DMD: variants seen among roughly 807,000 people sequenced by gnomAD.
DMD encodes dystrophin.
Under a neutral mutation model 330.1 loss-of-function variants are expected in DMD, and 63 were observed. The observed-to-expected ratio is 0.19, with a 90% confidence interval of 0.16 to 0.24. The LOEUF (loss-of-function observed/expected upper bound fraction) is 0.24. DMD is among the 10% of genes least tolerant of loss of function. DMD has a pLI of 1.00. For missense variants in DMD, 3,344 were observed against 2,684.1 expected (o/e 1.25, Z -5.43); for synonymous variants, 1,223 against 959.8 (o/e 1.27, Z -5.07).
intron 37 of DMD, among the ~76,000 whole-genome samples, chrX:32,357,206 T>C (rs1458424265): frequency 8.9e-6 from 1 of 112,267 alleles, no homozygotes; most frequent in Admixed American, 9.4e-5. Flanking sequence ...GGAATTTATA[T>C]GCAGACTTTC....
chrX:32,027,965 AT>A (rs2095858595), intron 44 of DMD, among the ~76,000 whole-genome samples: 1 of 112,181 alleles, frequency 8.9e-6, no homozygotes, highest in Admixed American at 9.5e-5. Context: ...ATAAGGTCAT[AT>A]TTGCATTAAT....
At chrX:32,481,031 G>C (rs1023055860) in intron 21 of DMD, among the ~76,000 whole-genome samples, 1 of 110,369 alleles carries the variant, frequency 9.1e-6, no homozygotes, top group Admixed American at 9.7e-5. Context: ...ACTGCAGCTA[G>C]AAGAGTTACC....
chrX:31,685,995 T>C (rs959263651), intron 52 of DMD, among the ~76,000 whole-genome samples: 1 of 111,698 alleles, frequency 9.0e-6, no homozygotes, highest in African/African-American at 3.3e-5. Context: ...TATCTCATTG[T>C]CCCACTCTCC....
chrX:33,055,908 A>G (rs2765394), intron 1 of DMD, among the ~76,000 whole-genome samples: 54,689 of 109,212 alleles, frequency 0.5, 10,570 homozygotes, highest in Non-Finnish European at 0.61. Context: ...GAATAAATAA[A>G]GTAATGAATG....
intron 9 of DMD, among the ~76,000 whole-genome samples, chrX:32,649,130 T>C (rs779656598): frequency 1.6e-3 from 173 of 110,012 alleles, no homozygotes; most frequent in Non-Finnish European, 2.4e-3. Flanking sequence ...TTTTTTTTTT[T>C]CCCCCAAAAT....
intron 9 of DMD, among the ~76,000 whole-genome samples, chrX:32,653,427 T>A (rs1410230598): frequency 8.9e-6 from 1 of 111,978 alleles, no homozygotes; most frequent in Non-Finnish European, 1.9e-5. Flanking sequence ...CCTTTCCCCA[T>A]TGCTTGTTTT....
chrX:31,169,637 C>G, intron 73 of DMD, 36 bp from the exon 74 acceptor site: 1 of 1,159,487 alleles, frequency 8.6e-7, no homozygotes, highest in Non-Finnish European at 1.2e-6. Context: ...GTTTTTTCCC[C>G]CCCTTATTTT....
At chrX:31,257,981 T>G (rs562635963) in intron 63 of DMD, among the ~76,000 whole-genome samples, 1 of 111,876 alleles carries the variant, frequency 8.9e-6, no homozygotes, top group South Asian at 3.8e-4. Context: ...TGTAGCCATA[T>G]AACAATCATT....
intron 7 of DMD, among the ~76,000 whole-genome samples, chrX:32,743,121 A>T (rs991676571): frequency 4.5e-5 from 5 of 111,388 alleles, no homozygotes; most frequent in Non-Finnish European, 9.4e-5. Flanking sequence ...TGCATGCAAT[A>T]GATCAAAAAT....
intron 43 of DMD, among the ~76,000 whole-genome samples, chrX:32,239,153 C>A (rs763435065): frequency 4.7e-4 from 52 of 111,199 alleles, no homozygotes; most frequent in African/African-American, 1.5e-3. Flanking sequence ...TTTGTGACAA[C>A]GAAAAAGGTC....
chrX:32,787,213 A>AGTGTGTGTGTGTGTGTGTGTGT (rs72078806), intron 7 of DMD, among the ~76,000 whole-genome samples: 1 of 83,379 alleles, frequency 1.2e-5, no homozygotes, highest in African/African-American at 4.6e-5. Context: ...CTCTCTGTCA[A>AGTGTGTGTGTGTGTGTGTGTGT]GTGTGTGTGT....
intron 30 of DMD, 33 bp from the exon 31 acceptor site, chrX:32,390,214 C>T: frequency 3.8e-6 from 4 of 1,044,913 alleles, no homozygotes; most frequent in African/African-American, 1.8e-5. Flanking sequence ...AGTCAGCATG[C>T]TCTACAAAGA....
At chrX:32,408,121 TA>T (rs1195458138) in intron 30 of DMD, among the ~76,000 whole-genome samples, 2 of 109,469 alleles carry the variant, frequency 1.8e-5, no homozygotes, top group South Asian at 3.9e-4. Flanking sequence ...CTTAAAGTAT[TA>T]AAAAAAAAGA....
rs1387391762 is a variant in DMD at position 31,425,639 on chromosome X, G to A, written c.9084+18842C>T. 2.8e-5 allele frequency among the ~76,000 whole-genome samples: 3 copies of A among 106,347 alleles called. No homozygotes were observed. The South Asian group carries it at 1.2e-3, about 41-fold the overall frequency. The allele number at this position is 106,347 out of a possible 115,157, so 92.3% of individuals were successfully genotyped here. ...CTAGTTGACACATAAGAAGAAATTTGTTGGGGAGCTTCTGGGAAACGTTTG... is the reference window on the plus strand; with the variant it reads ...CTAGTTGACACATAAGAAGAAATTTATTGGGGAGCTTCTGGGAAACGTTTG... On this transcript the variant is annotated intron_variant, in intron 60 of 78. Coordinates refer to ENST00000357033, the MANE Select transcript of DMD (RefSeq NM_004006.3).
chrX:31,819,869 A>C, intron 50 of DMD, 106 bp downstream of exon 50: 2 of 637,951 alleles, frequency 3.1e-6, no homozygotes, highest in Non-Finnish European at 5.2e-6. Context: ...GTTTATCTCT[A>C]TCTTTAGAAT....
intron 2 of DMD, among the ~76,000 whole-genome samples, chrX:33,010,949 G>C (rs2093690822): frequency 9.0e-6 from 1 of 111,479 alleles, no homozygotes; most frequent in Non-Finnish European, 1.9e-5. Context: ...TAGAAACTCT[G>C]ACTATGGGCC....
chrX:32,357,832 G>A (rs967165475), intron 37 of DMD, among the ~76,000 whole-genome samples: 2 of 110,658 alleles, frequency 1.8e-5, no homozygotes, highest in African/African-American at 6.6e-5. Flanking sequence ...TATCTTCCAT[G>A]CCCTCTACTC....
intron 55 of DMD, among the ~76,000 whole-genome samples, chrX:31,513,586 C>T (rs931342752): frequency 2.0e-4 from 22 of 111,938 alleles, no homozygotes; most frequent in African/African-American, 6.8e-4. Context: ...TAGAAAAGAT[C>T]ATTCAAGCCT....
chrX:31,861,762 C>T (rs1171333638), intron 48 of DMD, among the ~76,000 whole-genome samples: 2 of 104,290 alleles, frequency 1.9e-5, no homozygotes, highest in Non-Finnish European at 3.9e-5. Flanking sequence ...CACACACACA[C>T]ACACACACAG....
Sources: allele counts gnomAD v4.1 joint callset (sites outside exome capture counted in the v4.1 genomes callset), GRCh38; gene constraint gnomAD v4.1.1; transcripts MANE v1.5; gene names NCBI Gene and HGNC (gene_info 2026-07-23, HGNC 2026-07-21).